The following CELSR2 variants were observed in gnomAD, a reference collection of about 807,000 sequenced individuals.
CELSR2 encodes the protein cadherin EGF LAG seven-pass G-type receptor 2, also known as EGF-like protein 2.
CELSR2 carries 81 observed loss-of-function variants against 251.6 expected under a neutral mutation model. The observed-to-expected ratio is 0.32, with a 90% CI of 0.27 to 0.39. The LOEUF is 0.39. Among genes scored for constraint, CELSR2 ranks in the 10% least tolerant of loss-of-function variants. CELSR2 has a pLI of 1.00. For synonymous variants in CELSR2, 1,721 were observed against 1,670.5 expected (o/e 1.03, Z -0.74); for missense variants, 3,365 against 3,947.7 (o/e 0.85, Z 3.96).
intron 31 of CELSR2, 33 bp from the exon 32 acceptor site, chr1:109,273,133 C>G: frequency 6.2e-7 from 1 of 1,606,918 alleles, no homozygotes; most frequent in East Asian, 2.2e-5. Context: ...TATCTGCCCT[C>G]TGTGGGCCTC....
In CELSR2 at chr1:109,269,438, C is replaced by T. The variant is rs1200724865; in HGVS notation, c.6827C>T (p.Pro2276Leu). 2.5e-6 allele frequency: 4 copies of T among 1,613,784 alleles called. No homozygotes were observed. Among genetic ancestry groups the T allele is most frequent in the Non-Finnish European group, 1.7e-6 (2 of 1,179,900 alleles). ...DKRSLRVPKR[P>L]IINTPVVSIS... ...CCCCACATCAGAGTCCCCAAACGCC[C>T]GATCATCAACACACCCGTGGTGAGC... is the stretch of plus-strand genomic sequence containing the variant. Residue 2276 changes from proline to leucine, a missense_variant, in exon 21 of 34, where the codon CCG becomes CTG. By Grantham distance (98) the Pro-to-Leu change is moderately conservative. This residue lies in a region of CELSR2 where 2,093 missense variants were observed against 2,382.8 expected (regional missense o/e 0.88). Transcript: ENST00000271332. This position sits in a 1 kb window ranked among gnomAD's most constrained non-coding sequence, Gnocchi z 6.4.
intron 28 of CELSR2, 105 bp from the exon 29 acceptor site, chr1:109,272,173 A>C (rs1557737625): frequency 1.4e-6 from 2 of 1,393,024 alleles, no homozygotes; most frequent in East Asian, 4.7e-5. Context: ...AGACCTGAGC[A>C]TGTGGAAGGT....
rs946131796 is a variant in CELSR2 at position 109,272,650 on chromosome 1, G to A, written c.8065G>A (p.Ala2689Thr). 6.8e-6 allele frequency: 11 copies of A among 1,613,198 alleles called. No homozygotes were observed. In the East Asian group the frequency reaches 8.9e-5, roughly 13 times the overall value. Residue 2689 changes from alanine to threonine, a missense_variant, in exon 30 of 34, where the codon GCA (alanine) becomes ACA (threonine). Ala to Thr is a moderately conservative substitution (Grantham distance 58). Coordinates refer to ENST00000271332, the MANE Select transcript of CELSR2 (RefSeq NM_001408.3). ...GTCTCATCTTCCTAGGGAGGAGTCCGCACTGAACCCTGGCCAAGGGCCCCC... is the reference window on the plus strand; with the variant it reads ...GTCTCATCTTCCTAGGGAGGAGTCCACACTGAACCCTGGCCAAGGGCCCCC... Reference protein sequence around the residue: ...YIPFLLREESALNPGQGPPGL... With the variant: ...YIPFLLREESTLNPGQGPPGL...
Position 109,270,918 on chromosome 1 carries a change from A to G in CELSR2, c.7484-9A>G. The G allele has an allele frequency of 3.1e-6, 5 of 1,603,976 alleles. No homozygotes were observed. Among genetic ancestry groups the G allele is most frequent in the Non-Finnish European group, 3.4e-6 (4 of 1,173,138 alleles). ...CCCTCCACTGCTCCCGTCTGTCTCC[A>G]TGCTCCAGGGCTAGCCGTGGGCCTG... On this transcript the variant is annotated splice_polypyrimidine_tract_variant and intron_variant, in intron 24 of 33. Coordinates refer to ENST00000271332, the MANE Select transcript of CELSR2 (RefSeq NM_001408.3).
chr1:109,269,989 G>C lies in CELSR2; in HGVS notation c.7164G>C (p.Leu2388Phe). 1 of 1,614,088 alleles carries C rather than the reference G, an allele frequency of 6.2e-7. No homozygotes were observed. The highest frequency in any genetic ancestry group is 8.5e-7 in the Non-Finnish European group (1 of 1,179,998). ...CATACGTGGCTCTAGGTGTCACCTT[G>C]GCTGCCCTTCTGCTCACCTTCTTCT... is the stretch of plus-strand genomic sequence containing the variant. ...TLTYVALGVT[L>F]AALLLTFFFL... Residue 2388 changes from leucine to phenylalanine, a missense_variant, in exon 23 of 34, where the codon TTG (leucine) becomes TTC (phenylalanine). This residue lies in a region of CELSR2 where 2,093 missense variants were observed against 2,382.8 expected (regional missense o/e 0.88). Coordinates refer to ENST00000271332, the MANE Select transcript of CELSR2 (RefSeq NM_001408.3). The surrounding 1 kb of genome is among the most constrained non-coding windows in gnomAD (Gnocchi z 6.4).
At chr1:109,271,774 G>A (rs1412530592) in intron 28 of CELSR2, 52 bp downstream of exon 28, 2 of 1,596,456 alleles carry the variant, frequency 1.3e-6, no homozygotes, top group East Asian at 4.5e-5. Flanking sequence ...AGAGGCAGGA[G>A]GCCCAGTGAG....
intron 15 of CELSR2, among the ~76,000 whole-genome samples, chr1:109,266,660 C>T (rs1656202757): frequency 6.7e-6 from 1 of 149,930 alleles, no homozygotes; most frequent in East Asian, 1.9e-4. Context: ...ATCCGCCTGC[C>T]TCGGCCTCCC....
chr1:109,253,520 A>G, intron 1 of CELSR2, 131 bp downstream of exon 1: 1 of 1,436,882 alleles, frequency 7.0e-7, no homozygotes, highest in Non-Finnish European at 9.1e-7. Flanking sequence ...GGCACAGAGC[A>G]GGAGGGGCAA....
intron 1 of CELSR2, among the ~76,000 whole-genome samples, chr1:109,256,860 A>T (rs1178491238): frequency 6.6e-6 from 1 of 151,976 alleles, no homozygotes; most frequent in Non-Finnish European, 1.5e-5. Context: ...GGGTTTCACC[A>T]TGTTGGTCAG....
rs777728438 is a variant in CELSR2, at chr1:109,258,771, C to G, written c.3650C>G (p.Thr1217Arg). The change falls in exon 2 of 34, where the codon ACG becomes AGG. Residue 1217 changes from threonine to arginine, a missense_variant. Around this residue, in one of 5 missense-constraint regions of CELSR2, gnomAD observed 2,093 missense variants for 2,382.8 expected, o/e 0.88. Transcript: ENST00000271332. Reference protein sequence around the residue: ...ERLYLNRSLLTAISAQRVLPF... With the variant: ...ERLYLNRSLLRAISAQRVLPF... ...CTATACCTCAACCGCAGCCTGCTGACGGCCATCTCGGCACAGCGCGTGCTG... is the reference window on the plus strand; with the variant it reads ...CTATACCTCAACCGCAGCCTGCTGAGGGCCATCTCGGCACAGCGCGTGCTG... 5 of 1,598,560 alleles carry G rather than the reference C, an allele frequency of 3.1e-6. No individual in the cohort carries two copies. Among genetic ancestry groups the G allele is most frequent in the Admixed American group, 1.7e-5 (1 of 57,738 alleles).
chr1:109,259,359 C>G (rs975837241), intron 2 of CELSR2, among the ~76,000 whole-genome samples: 1 of 152,226 alleles, frequency 6.6e-6, no homozygotes, highest in Non-Finnish European at 1.5e-5. Context: ...TCAGCTTTGC[C>G]GCTAGTAGCT....
intron 11 of CELSR2, 114 bp downstream of exon 11, chr1:109,264,742 G>T: frequency 1.9e-6 from 3 of 1,577,488 alleles, no homozygotes; most frequent in Non-Finnish European, 8.7e-7. Context: ...AGTCTTAGTT[G>T]CCTACACAAC....
In CELSR2 at chr1:109,267,536, T is replaced by A. The variant is rs1281542436; in HGVS notation, c.6014-12T>A. On this transcript the variant is annotated splice_polypyrimidine_tract_variant and intron_variant, in intron 15 of 33. Transcript: ENST00000271332. ...CTCCCTGAGGCCGGCCCTTTTGGCTTCCTTCCCCCAGGGACTGCTGTGCGC... is the reference window on the plus strand; with the variant it reads ...CTCCCTGAGGCCGGCCCTTTTGGCTACCTTCCCCCAGGGACTGCTGTGCGC... 1.9e-6 allele frequency: 3 copies of A among 1,612,226 alleles called. No homozygotes were observed. The South Asian group carries it at 3.3e-5, about 18-fold the overall frequency.
At chr1:109,258,027 C>A (rs916250030) in intron 1 of CELSR2, among the ~76,000 whole-genome samples, 1 of 152,054 alleles carries the variant, frequency 6.6e-6, no homozygotes, top group South Asian at 2.1e-4. Context: ...TTGCGATTAT[C>A]GTGGTGTTGA....
chr1:109,261,934 C>A lies in CELSR2; in HGVS notation c.4386+38C>A. 2 of 1,544,886 alleles carry A rather than the reference C, an allele frequency of 1.3e-6. No homozygotes were observed. Among genetic ancestry groups the A allele is most frequent in the Non-Finnish European group, 1.8e-6 (2 of 1,139,684 alleles). On this transcript the variant is annotated intron_variant, in intron 5 of 33. Coordinates refer to ENST00000271332, the MANE Select transcript of CELSR2 (RefSeq NM_001408.3). The surrounding 1 kb of genome is among the most constrained non-coding windows in gnomAD (Gnocchi z 4.8). The stretch of plus-strand genomic sequence containing the variant: ...GGCACAGAGGGTTGGGGGTTCTGTT[C>A]TTGCCTCAGGTGCTTACCCAGCCCT...
chr1:109,268,537 G>A (rs1323442228), intron 17 of CELSR2, 44 bp from the exon 18 acceptor site: 1 of 1,560,064 alleles, frequency 6.4e-7, no homozygotes, highest in African/African-American at 1.4e-5. Context: ...GGGGATGTCA[G>A]GTGTGGGTTG....
At position 109,251,907 on chromosome 1, in the gene CELSR2, T is replaced by G; in HGVS notation, c.1828T>G (p.Phe610Val). 3 of 1,614,086 alleles carry G rather than the reference T, an allele frequency of 1.9e-6. No individual in the cohort carries two copies. Among genetic ancestry groups the G allele is most frequent in the Non-Finnish European group, 2.5e-6 (3 of 1,180,014 alleles). Residue 610 changes from phenylalanine (F) to valine (V), a missense_variant, in exon 1 of 34, where the codon TTT becomes GTT. Physicochemically the swap from Phe to Val is conservative, Grantham distance 50. Around this residue, in one of 5 missense-constraint regions of CELSR2, gnomAD observed 60 missense variants for 104.8 expected, o/e 0.57. Coordinates refer to ENST00000271332, the MANE Select transcript of CELSR2 (RefSeq NM_001408.3). This position sits in a 1 kb window ranked among gnomAD's most constrained non-coding sequence, Gnocchi z 4.9. ...GGATGTCAACGACAACAATCCAACC[T>G]TTACCCAACCAGAGTACACAGTGCG... ...VLDVNDNNPT[F>V]TQPEYTVRLN...
At position 109,269,694 on chromosome 1, in the gene CELSR2, G is replaced by T. The variant is rs1281197164; in HGVS notation, c.6981G>T (p.Leu2327=). 1.2e-5 allele frequency: 19 copies of T among 1,613,978 alleles called. No individual in the cohort carries two copies. The highest frequency in any genetic ancestry group is 1.5e-5 in the Non-Finnish European group (18 of 1,180,032). Residue 2327 remains leucine, a splice_region_variant and synonymous_variant, in exon 22 of 34, where the codon CTG becomes CTT. Coordinates refer to ENST00000271332, the MANE Select transcript of CELSR2 (RefSeq NM_001408.3). This position sits in a 1 kb window ranked among gnomAD's most constrained non-coding sequence, Gnocchi z 6.4. ...PICVFWNHSI[L]VSGTGGWSAR... ...CCCTGACCCTGCCTTCCTCACACAG[G>T]GTCAGTGGCACAGGTGGCTGGTCGG...
Position 109,264,200 on chromosome 1 carries a change from C to A in CELSR2, c.5124C>A (p.Ala1708=). Residue 1708 remains alanine, a synonymous_variant, in exon 10 of 34, where the codon GCC becomes GCA. Coordinates refer to ENST00000271332, the MANE Select transcript of CELSR2 (RefSeq NM_001408.3). The part of the protein sequence containing the change: ...DWHHAQLALG[A]SGGPGHAILS... ...ACCATGCACAGCTGGCACTGGGAGC[C>A]AGCGGGGGGCCCGGCCATGCCATTC... 6.2e-7 allele frequency: 1 copy of A among 1,613,158 alleles called. No homozygotes were observed. The highest frequency in any genetic ancestry group is 1.3e-5 in the African/African-American group (1 of 75,068).
Sources: gnomAD v4.1 joint callset for allele counts (sites outside exome capture counted in the v4.1 genomes callset) on GRCh38, gnomAD v4.1.1 for gene constraint, gnomAD v4.1.1 regional missense constraint, Gnocchi (gnomAD v3.1) non-coding constraint, MANE v1.5 for transcripts, NCBI Gene and HGNC (gene_info 2026-07-23, HGNC 2026-07-21) for gene names.